The following PCDH10 variants were observed in gnomAD, a reference collection of about 807,000 sequenced individuals.
The protein encoded by PCDH10 is protocadherin 10, also known as protocadherin-10.
A neutral mutation model predicts 74.4 loss-of-function variants in PCDH10; 15 were observed. The ratio of observed to expected loss-of-function variants is 0.20; its 90% CI spans 0.13 to 0.31. The LOEUF (loss-of-function observed/expected upper bound fraction) is 0.31, where lower values mean the gene tolerates loss of function less well. Among genes scored for constraint, PCDH10 ranks in the 10% least tolerant of loss-of-function variants. PCDH10 has a pLI of 1.00. For synonymous variants in PCDH10, 619 were observed against 589.8 expected, an observed-to-expected ratio of 1.05 and a Z score of -0.72; for missense variants, 1,260 against 1,390.2, an observed-to-expected ratio of 0.91 and a Z score of 1.49.
Position 133,149,318 on chromosome 4 carries a change from G to A in PCDH10, c.-823G>A, listed in dbSNP as rs1276243214. 3 of 152,458 alleles carry A rather than the reference G, an allele frequency of 2.0e-5. No homozygotes were observed. The highest frequency in any genetic ancestry group is 2.0e-4 in the Admixed American group (3 of 15,288). The allele number at this position is 152,458 out of a possible 1,614,324, so 9.4% of individuals were successfully genotyped here. On this transcript the variant is annotated 5_prime_UTR_variant, in exon 1 of 5. Coordinates refer to ENST00000264360, the MANE Select transcript of PCDH10 (RefSeq NM_032961.3). ...CAGAAACTGCCAGCCCAGACCACAGGCTCAGAGGCTGAAGCAGGAGGAAGG... is the reference window on the plus strand; with the variant it reads ...CAGAAACTGCCAGCCCAGACCACAGACTCAGAGGCTGAAGCAGGAGGAAGG...
chr4:133,187,723 TTA>T (rs1727572607), intron 4 of PCDH10, among the ~76,000 whole-genome samples: 1 of 152,216 alleles, frequency 6.6e-6, no homozygotes, highest in South Asian at 2.1e-4. Context: ...TCTTTTAAGT[TTA>T]TGTTTATATT....
chr4:133,198,631 G>T (rs1208769364), downstream of PCDH10, among the ~76,000 whole-genome samples: 1 of 152,100 alleles, frequency 6.6e-6, no homozygotes, highest in Non-Finnish European at 1.5e-5. Context: ...TTCTAAGATG[G>T]TGTACTTATA....
chr4:133,181,753 A>G (rs573477695), intron 4 of PCDH10, among the ~76,000 whole-genome samples: 8 of 152,000 alleles, frequency 5.3e-5, no homozygotes, highest in Non-Finnish European at 1.0e-4. Context: ...GTTTGCCTTG[A>G]CATAGAAGTA....
In PCDH10 at chr4:133,191,542, G is replaced by A. The variant is rs1348458891; in HGVS notation, c.*1382G>A. ...AGTTAAGCTTGCCTTTTACTTTTAT[G>A]TCAACAATATTAATTATTAAATTTA... On this transcript the variant is annotated 3_prime_UTR_variant, in exon 5 of 5. Coordinates refer to ENST00000264360, the MANE Select transcript of PCDH10 (RefSeq NM_032961.3). 2 of 151,958 alleles carry A rather than the reference G, an allele frequency of 1.3e-5. No homozygotes were observed. Among genetic ancestry groups the A allele is most frequent in the African/African-American group, 4.8e-5 (2 of 41,356 alleles). 9.4% of individuals were successfully genotyped at this position (151,958 alleles called of 1,614,324 possible).
intron 4 of PCDH10, among the ~76,000 whole-genome samples, chr4:133,182,811 C>A (rs1727444876): frequency 6.6e-6 from 1 of 151,990 alleles, no homozygotes; most frequent in Non-Finnish European, 1.5e-5. Context: ...AGGGTCATAT[C>A]CTGTTATTTT....
At chr4:133,173,585 G>A (rs1727239040) in intron 4 of PCDH10, among the ~76,000 whole-genome samples, 1 of 151,926 alleles carries the variant, frequency 6.6e-6, no homozygotes. Flanking sequence ...AGCAAAGGAG[G>A]GAAAGGTTCA....
rs577612711 is a variant in PCDH10, at chr4:133,150,027, C to A, written c.-114C>A. ...TAAAGACAGAAAGCCACAGGAGCCC[C>A]CACGTAGCGCACTTTTATTTGTATT... On this transcript the variant is annotated 5_prime_UTR_variant, in exon 1 of 5. Coordinates refer to ENST00000264360, the MANE Select transcript of PCDH10 (RefSeq NM_032961.3). The A allele has an allele frequency of 4.3e-6, 6 of 1,400,612 alleles. No individual in the cohort carries two copies. In the African/African-American group the frequency reaches 4.3e-5, roughly 10 times the overall value. The allele number at this position is 1,400,612 out of a possible 1,614,324, so 86.8% of individuals were successfully genotyped here.
rs775594011 is a variant in PCDH10, at chr4:133,150,993, G to A, written c.853G>A (p.Val285Ile). Reference protein sequence around the residue: ...TDPDEGQNGEVVYSFSSHISP... With the variant: ...TDPDEGQNGEIVYSFSSHISP... ...CCCGGACGAGGGCCAGAACGGTGAG[G>A]TCGTGTACTCCTTCAGCAGCCACAT... The change falls in exon 1 of 5, where the codon GTC becomes ATC. Residue 285 changes from valine (V) to isoleucine (I), a missense_variant. Around this residue, in one of 11 missense-constraint regions of PCDH10, gnomAD observed 192 missense variants for 161.2 expected, o/e 1.19. Coordinates refer to ENST00000264360, the MANE Select transcript of PCDH10 (RefSeq NM_032961.3). 6 of 1,613,750 alleles carry A rather than the reference G, an allele frequency of 3.7e-6. No homozygotes were observed. The highest frequency in any genetic ancestry group is 2.5e-6 in the Non-Finnish European group (3 of 1,179,994).
At chr4:133,186,385 T>C (rs1265896284) in intron 4 of PCDH10, among the ~76,000 whole-genome samples, 2 of 152,128 alleles carry the variant, frequency 1.3e-5, no homozygotes, top group Admixed American at 6.6e-5. Flanking sequence ...CCTCCCTATC[T>C]ATCAAGTGAC....
At chr4:133,208,298 A>T (rs1728090853) in exon 3 of PCDH10, 1 of 152,236 alleles carries the variant, frequency 6.6e-6, no homozygotes, top group Non-Finnish European at 1.5e-5. Flanking sequence ...GAGATAATAA[A>T]TATTTGTGGT....
chr4:133,185,789 T>C (rs1026782866), intron 4 of PCDH10, among the ~76,000 whole-genome samples: 8 of 152,178 alleles, frequency 5.3e-5, no homozygotes, highest in Non-Finnish European at 1.0e-4. Context: ...TTCATAATCT[T>C]AATGTATTGC....
chr4:133,177,177 T>C (rs1727312158), intron 4 of PCDH10, among the ~76,000 whole-genome samples: 1 of 152,008 alleles, frequency 6.6e-6, no homozygotes, highest in Non-Finnish European at 1.5e-5. Flanking sequence ...GTATGAAAAA[T>C]TGTCTTTCTG....
chr4:133,152,872 G>T, intron 1 of PCDH10, 101 bp downstream of exon 1: 1 of 1,526,212 alleles, frequency 6.6e-7, no homozygotes, highest in East Asian at 2.3e-5. Context: ...CTATTTTTAG[G>T]ATATTAGCTT....
At chr4:133,155,094 G>A (rs535768256) in intron 3 of PCDH10, 71 bp downstream of exon 3, 37 of 1,041,592 alleles carry the variant, frequency 3.6e-5, no homozygotes, top group Middle Eastern at 2.0e-4. Context: ...AACGTAGGAA[G>A]GATGATGTCC....
chr4:133,152,789 G>A lies in PCDH10; in HGVS notation c.2631+18G>A, dbSNP rs753146023. 6 of 1,614,014 alleles carry A rather than the reference G, an allele frequency of 3.7e-6. No homozygotes were observed. Among genetic ancestry groups the A allele is most frequent in the South Asian group, 2.2e-5 (2 of 91,050 alleles). On this transcript the variant is annotated intron_variant, in intron 1 of 4. Transcript: ENST00000264360. ...CCAACGAGGTAAGGCTGAAGCGAAAGGACCACCATCTCTCATCTCCTCCAT... is the reference window on the plus strand; with the variant it reads ...CCAACGAGGTAAGGCTGAAGCGAAAAGACCACCATCTCTCATCTCCTCCAT...
chr4:133,151,949 G>A lies in PCDH10; in HGVS notation c.1809G>A (p.Val603=). The A allele has an allele frequency of 6.2e-7, 1 of 1,612,430 alleles. No individual in the cohort carries two copies. Among genetic ancestry groups the A allele is most frequent in the Non-Finnish European group, 8.5e-7 (1 of 1,179,708 alleles). Residue 603 remains valine (V), a synonymous_variant, in exon 1 of 5, where the codon GTG becomes GTA. Coordinates refer to ENST00000264360, the MANE Select transcript of PCDH10 (RefSeq NM_032961.3). ...AGCCGGGTTACCTGCTCACCCGCGT[G>A]GCCGCCGTGGACGCGGACGACGGCG... ...SAEPGYLLTR[V]AAVDADDGEN...
At chr4:133,186,284 C>T (rs955314753) in intron 4 of PCDH10, among the ~76,000 whole-genome samples, 6 of 152,074 alleles carry the variant, frequency 3.9e-5, no homozygotes, top group African/African-American at 1.4e-4. Context: ...TTATGACTCA[C>T]TATGAAGAAT....
intron 2 of PCDH10, among the ~76,000 whole-genome samples, chr4:133,204,352 G>A (rs965869519): frequency 2.6e-5 from 4 of 152,282 alleles, no homozygotes; most frequent in African/African-American, 9.6e-5. Context: ...CAAGCAGCTA[G>A]TGAAGGTCAC....
At chr4:133,183,712 T>C (rs1414649793) in intron 4 of PCDH10, among the ~76,000 whole-genome samples, 1 of 152,128 alleles carries the variant, frequency 6.6e-6, no homozygotes, top group Non-Finnish European at 1.5e-5. Context: ...CTCTGCTAGG[T>C]GAGAAAATTA....
Sources: gnomAD v4.1 joint callset for allele counts (sites outside exome capture counted in the v4.1 genomes callset) on GRCh38, gnomAD v4.1.1 for gene constraint, gnomAD v4.1.1 regional missense constraint, MANE v1.5 for transcripts, NCBI Gene and HGNC (gene_info 2026-07-23, HGNC 2026-07-21) for gene names.